Variants in SLC25A28 observed in about 807,000 individuals in gnomAD.
SLC25A28 encodes mitoferrin-2.
Under a neutral mutation model 31.9 loss-of-function variants are expected in SLC25A28, and 10 were observed. The ratio of observed to expected loss-of-function variants is 0.31; its 90% CI spans 0.19 to 0.53. The LOEUF (loss-of-function observed/expected upper bound fraction) is 0.53. Among genes scored for constraint, SLC25A28 ranks in the 20% least tolerant of loss-of-function variants. The probability of loss-of-function intolerance (pLI) is 0.95; values close to 1 mark genes in which losing one functional copy is unlikely to be tolerated. For missense variants in SLC25A28, 256 were observed against 490.3 expected (o/e 0.52, Z 4.51); for synonymous variants, 208 against 203.6 (o/e 1.02, Z -0.19).
chr10:99,631,875 G>GTTTTT, the SLC25A28 span, among the ~76,000 whole-genome samples: 29 of 92,012 alleles, frequency 3.2e-4, no homozygotes, highest in Middle Eastern at 6.7e-3. Flanking sequence ...CGCTCAGTAT[G>GTTTTT]TTATTTTTTT....
chr10:99,632,052 G>T, the SLC25A28 span, among the ~76,000 whole-genome samples: 4 of 149,888 alleles, frequency 2.7e-5, no homozygotes, highest in Non-Finnish European at 4.4e-5. Context: ...GCCCGCCACC[G>T]CGCCCGGCTA....
chr10:99,610,738 C>T lies in SLC25A28; in HGVS notation c.*111G>A. The stretch of plus-strand genomic sequence containing the variant: ...AAAACACCAAAATCCTGGGGGAGAG[C>T]CCCTCTACCTTCCTTCTAACTCCAC... On this transcript the variant is annotated 3_prime_UTR_variant, in exon 4 of 4. Transcript: ENST00000370495. 2.9e-6 allele frequency: 4 copies of T among 1,364,046 alleles called. No individual in the cohort carries two copies. The South Asian group carries it at 4.2e-5, about 14-fold the overall frequency. The allele number at this position is 1,364,046 out of a possible 1,614,324, so 84.5% of individuals were successfully genotyped here.
intron 1 of SLC25A28, chr10:99,618,322 T>C: frequency 1.0e-6 from 1 of 984,840 alleles, no homozygotes; most frequent in South Asian, 4.7e-5. Flanking sequence ...CTAAGACAAA[T>C]TATTACACTG....
the SLC25A28 span, among the ~76,000 whole-genome samples, chr10:99,630,672 TTC>T: frequency 6.6e-6 from 1 of 152,216 alleles, no homozygotes; most frequent in African/African-American, 2.4e-5. Context: ...AATTCATTTA[TTC>T]TCTCAATATG....
the SLC25A28 span, among the ~76,000 whole-genome samples, chr10:99,645,330 T>G: frequency 6.6e-6 from 1 of 152,358 alleles, no homozygotes; most frequent in African/African-American, 2.4e-5. Flanking sequence ...ATACCCTTTC[T>G]TCCACTTGAT....
At chr10:99,639,103 AATAT>A in the SLC25A28 span, among the ~76,000 whole-genome samples, 1 of 151,510 alleles carries the variant, frequency 6.6e-6, no homozygotes, top group African/African-American at 2.4e-5. Flanking sequence ...AACATATATA[AATAT>A]ATATATATTT....
the SLC25A28 span, chr10:99,653,739 T>C: frequency 6.6e-5 from 10 of 152,206 alleles, no homozygotes; most frequent in South Asian, 4.1e-4. Flanking sequence ...GTATTTCACT[T>C]TGCAGAGTAA....
At position 99,617,321 on chromosome 10, in the gene SLC25A28, C is replaced by T. The variant is rs1318310796; in HGVS notation, c.291+2724G>A. The T allele has an allele frequency of 5.1e-6, 5 of 985,356 alleles. No homozygotes were observed. The African/African-American group carries it at 8.7e-5, about 17-fold the overall frequency. 61.0% of individuals were successfully genotyped at this position (985,356 alleles called of 1,614,324 possible). A position where few individuals can be genotyped will look rare whatever the true frequency, so the allele number is the denominator to read the frequency against. The stretch of plus-strand genomic sequence containing the variant: ...ATAACCATGATCCAGCAAGGCTACA[C>T]TGACTTCTCATGGTCCCTCTCAAGG... On this transcript the variant is annotated intron_variant, in intron 1 of 3. Transcript: ENST00000370495.
the SLC25A28 span, among the ~76,000 whole-genome samples, chr10:99,630,019 A>G: frequency 6.6e-6 from 1 of 152,160 alleles, no homozygotes; most frequent in African/African-American, 2.4e-5. Flanking sequence ...AAAAAAGAAG[A>G]GGGAAAAAAA....
chr10:99,648,689 T>G, the SLC25A28 span, among the ~76,000 whole-genome samples: 15 of 150,708 alleles, frequency 1.0e-4, no homozygotes, highest in African/African-American at 3.4e-4. Context: ...TTCCTAGGTT[T>G]TTTTTTTTTT....
chr10:99,624,176 CTTT>C (rs906920323), upstream of SLC25A28, among the ~76,000 whole-genome samples: 1 of 146,554 alleles, frequency 6.8e-6, no homozygotes, highest in South Asian at 2.2e-4. Flanking sequence ...TCCTTCCTTC[CTTT>C]TTTTCTTCCT....
At chr10:99,630,456 C>T in the SLC25A28 span, among the ~76,000 whole-genome samples, 1 of 152,086 alleles carries the variant, frequency 6.6e-6, no homozygotes, top group African/African-American at 2.4e-5. Flanking sequence ...TTGACCCTAA[C>T]ATAGGCCTAA....
rs762842230 is a variant in SLC25A28, at chr10:99,610,811, C to G, written c.*38G>C. ...GACAGAGAATGTGACCAGGATGCAG[C>G]AGTGTCATCTGAACCCCTGGCTTCG... On this transcript the variant is annotated 3_prime_UTR_variant, in exon 4 of 4. Transcript: ENST00000370495. 6.3e-7 allele frequency: 1 copy of G among 1,589,638 alleles called. No individual in the cohort carries two copies. The highest frequency in any genetic ancestry group is 8.6e-7 in the Non-Finnish European group (1 of 1,165,794).
Position 99,615,632 on chromosome 10 carries a change from A to G in SLC25A28, c.292-1708T>C, listed in dbSNP as rs74402258. 1,554 of 985,354 alleles carry G rather than the reference A, an allele frequency of 1.6e-3. 3 individuals carry two copies. Among genetic ancestry groups the G allele is most frequent in the Admixed American group, 2.3e-3 (38 of 16,280 alleles). 61.0% of individuals were successfully genotyped at this position (985,354 alleles called of 1,614,324 possible). On this transcript the variant is annotated intron_variant, in intron 1 of 3. Transcript: ENST00000370495. Reference sequence around the variant, plus strand: ...CATTCTTTCCTACTTCCCCCCACAAAACCTCATGTATTTCCAATAAAGGGT... The same window carrying G: ...CATTCTTTCCTACTTCCCCCCACAAGACCTCATGTATTTCCAATAAAGGGT...
chr10:99,614,703 T>C (rs2034608089), intron 1 of SLC25A28, among the ~76,000 whole-genome samples: 2 of 152,332 alleles, frequency 1.3e-5, no homozygotes, highest in Middle Eastern at 3.4e-3. Flanking sequence ...TTGTATGATG[T>C]TCTTGGACAA....
At chr10:99,624,788 T>C (rs576502255), upstream of SLC25A28, among the ~76,000 whole-genome samples, 2 of 152,226 alleles carry the variant, frequency 1.3e-5, no homozygotes, top group Admixed American at 6.5e-5. Context: ...TGAGCCAAGA[T>C]TGGGCCACTG....
chr10:99,657,182 A>C, the SLC25A28 span, among the ~76,000 whole-genome samples: 2 of 152,232 alleles, frequency 1.3e-5, no homozygotes, highest in Non-Finnish European at 2.9e-5. Context: ...CTATTTTAAA[A>C]ATAGGAATTA....
intron 1 of SLC25A28, chr10:99,618,654 T>C (rs1384275121): frequency 1.0e-6 from 1 of 985,350 alleles, no homozygotes; most frequent in Non-Finnish European, 1.2e-6. Context: ...AACATTCTAA[T>C]GTCCATTTTA....
chr10:99,618,749 C>T (rs1327554344), intron 1 of SLC25A28: 4 of 985,422 alleles, frequency 4.1e-6, no homozygotes, highest in Non-Finnish European at 4.8e-6. Flanking sequence ...AGTTTGCTGT[C>T]ATTCACAAAG....
Sources: allele counts gnomAD v4.1 joint callset (sites outside exome capture counted in the v4.1 genomes callset), GRCh38; gene constraint gnomAD v4.1.1; transcripts MANE v1.5; gene names NCBI Gene and HGNC (gene_info 2026-07-23, HGNC 2026-07-21).